Variants in XPO6 observed in about 807,000 individuals in gnomAD.
XPO6 encodes exportin-6.
In XPO6, 3 loss-of-function variants were observed where a neutral mutation model predicts 130.0. The ratio of observed to expected loss-of-function variants is 0.02; its 90% CI spans 0.01 to 0.06. XPO6 has a LOEUF of 0.06. Ranked by LOEUF, XPO6 falls within the 10% of genes least tolerant of loss-of-function variation. The pLI, the probability that XPO6 is intolerant of heterozygous loss-of-function variation, is 1.00. For synonymous variants in XPO6, 524 were observed against 548.9 expected (o/e 0.95, Z 0.63); for missense variants, 970 against 1,393.0 (o/e 0.70, Z 4.83).
chr16:28,103,239 C>A (rs2086691133), intron 21 of XPO6, among the ~76,000 whole-genome samples: 1 of 152,162 alleles, frequency 6.6e-6, no homozygotes, highest in Non-Finnish European at 1.5e-5. Context: ...TGGGATCCTA[C>A]CATGCATAGC....
Position 28,107,566 on chromosome 16 carries a change from A to G in XPO6, c.2453T>C (p.Val818Ala). Reference protein sequence around the residue: ...QICYQSLQESVQVSLALFPAF... With the variant: ...QICYQSLQESAQVSLALFPAF... ...TGGAAAGAGGGCCAGGGAGACCTGAACAGATTCCTGCAGCGACTGGTAGCA... is the reference window on the plus strand; with the variant it reads ...TGGAAAGAGGGCCAGGGAGACCTGAGCAGATTCCTGCAGCGACTGGTAGCA... Residue 818 changes from valine to alanine, a missense_variant, in exon 18 of 24, where the codon GTT (valine) becomes GCT (alanine). This residue lies in a region of XPO6 where 936 missense variants were observed against 1,306.8 expected (regional missense o/e 0.72). Coordinates refer to ENST00000304658, the MANE Select transcript of XPO6 (RefSeq NM_015171.4). 1 of 1,614,200 alleles carries G rather than the reference A, an allele frequency of 6.2e-7. No individual in the cohort carries two copies. Among genetic ancestry groups the G allele is most frequent in the Non-Finnish European group, 8.5e-7 (1 of 1,180,028 alleles).
chr16:28,110,396 C>T (rs1238399082), intron 17 of XPO6, among the ~76,000 whole-genome samples: 3 of 152,236 alleles, frequency 2.0e-5, no homozygotes, highest in African/African-American at 4.8e-5. Flanking sequence ...CAATTCACCA[C>T]AATCCCTTCC....
chr16:28,141,072 C>T (rs964653882), intron 9 of XPO6, among the ~76,000 whole-genome samples: 4 of 152,332 alleles, frequency 2.6e-5, no homozygotes, highest in South Asian at 4.1e-4. Flanking sequence ...CTAGTTCACA[C>T]CTTTATTGCA....
At chr16:28,198,330 A>AT (rs5816464) in intron 1 of XPO6, among the ~76,000 whole-genome samples, 3 of 150,936 alleles carry the variant, frequency 2.0e-5, no homozygotes, top group Admixed American at 1.3e-4. Flanking sequence ...AATGGTGGTA[A>AT]TTTTTTTTTT....
chr16:28,160,337 C>A (rs1306736564), intron 6 of XPO6, among the ~76,000 whole-genome samples: 1 of 151,398 alleles, frequency 6.6e-6, no homozygotes, highest in Admixed American at 6.6e-5. Flanking sequence ...AACCCCATCT[C>A]TACTAAAAAT....
At chr16:28,115,360 G>T (rs2087029712) in intron 15 of XPO6, among the ~76,000 whole-genome samples, 1 of 152,228 alleles carries the variant, frequency 6.6e-6, no homozygotes, top group African/African-American at 2.4e-5. Flanking sequence ...AATGGATGTT[G>T]TGTGAGCAGC....
intron 21 of XPO6, among the ~76,000 whole-genome samples, chr16:28,103,699 T>C (rs1303754509): frequency 1.3e-5 from 2 of 151,928 alleles, no homozygotes; most frequent in Admixed American, 6.5e-5. Context: ...ACTGCAGACC[T>C]GAGGCCTCGG....
intron 4 of XPO6, 94 bp downstream of exon 4, chr16:28,175,804 C>T: frequency 8.8e-7 from 1 of 1,139,522 alleles, no homozygotes; most frequent in Non-Finnish European, 1.3e-6. Flanking sequence ...CAGTTCCAAA[C>T]TGCTAATCTT....
In XPO6 at chr16:28,101,324, T is replaced by G; in HGVS notation, c.3276+134A>C. On this transcript the variant is annotated intron_variant, in intron 23 of 23. Transcript: ENST00000304658. This position sits in a 1 kb window ranked among gnomAD's most constrained non-coding sequence, Gnocchi z 5.4. Reference sequence around the variant, plus strand: ...CAGCACCAGGTCAGCAGGCATCTCGTGAGCTGCCGCCAAGCTGCAGGGTGG... The same window carrying G: ...CAGCACCAGGTCAGCAGGCATCTCGGGAGCTGCCGCCAAGCTGCAGGGTGG... 6 of 770,582 alleles carry G rather than the reference T, an allele frequency of 7.8e-6. No individual in the cohort carries two copies. Among genetic ancestry groups the G allele is most frequent in the Non-Finnish European group, 1.4e-5 (6 of 442,724 alleles). 47.7% of individuals were successfully genotyped at this position (770,582 alleles called of 1,614,324 possible). A position where few individuals can be genotyped will look rare whatever the true frequency, so the allele number is the denominator to read the frequency against.
intron 1 of XPO6, among the ~76,000 whole-genome samples, chr16:28,201,955 C>T (rs2043960399): frequency 6.6e-6 from 1 of 152,112 alleles, no homozygotes; most frequent in African/African-American, 2.4e-5. Flanking sequence ...AAACTATAAT[C>T]GAAGATGACC....
intron 1 of XPO6, among the ~76,000 whole-genome samples, chr16:28,196,012 GT>G (rs753579893): frequency 1.3e-5 from 2 of 152,254 alleles, no homozygotes; most frequent in Non-Finnish European, 2.9e-5. Context: ...GAAGTTTTCT[GT>G]TTATTCCACC....
rs765987925 is a variant in XPO6 at position 28,112,881 on chromosome 16, C to G, written c.2151+23G>C. Reference sequence around the variant, plus strand: ...TCTCAGTCACACAGCCCTGGGGACCCCGGGGGAGCTCTGGGGCCTCACCTT... The same window carrying G: ...TCTCAGTCACACAGCCCTGGGGACCGCGGGGGAGCTCTGGGGCCTCACCTT... On this transcript the variant is annotated intron_variant, in intron 16 of 23. Coordinates refer to ENST00000304658, the MANE Select transcript of XPO6 (RefSeq NM_015171.4). The G allele has an allele frequency of 1.9e-5, 31 of 1,607,804 alleles. No homozygotes were observed. The East Asian group carries it at 6.7e-4, about 35-fold the overall frequency.
chr16:28,135,171 C>T (rs1237720395), intron 10 of XPO6, 45 bp downstream of exon 10: 2 of 1,537,246 alleles, frequency 1.3e-6, no homozygotes, highest in Non-Finnish European at 1.8e-6. Context: ...TGATTGATGT[C>T]ACAACATGAC....
chr16:28,158,950 C>A (rs2043227439), intron 6 of XPO6, among the ~76,000 whole-genome samples: 1 of 152,080 alleles, frequency 6.6e-6, no homozygotes, highest in Non-Finnish European at 1.5e-5. Flanking sequence ...TAACAACAGG[C>A]CAGGAGCGGT....
intron 12 of XPO6, among the ~76,000 whole-genome samples, chr16:28,130,284 G>A (rs1415171601): frequency 2.0e-5 from 3 of 152,194 alleles, no homozygotes; most frequent in Non-Finnish European, 2.9e-5. Flanking sequence ...CGCGGCTGGC[G>A]CCCATTTACA....
chr16:28,111,591 A>G (rs532945681), intron 17 of XPO6: 7 of 448,548 alleles, frequency 1.6e-5, no homozygotes, highest in African/African-American at 7.9e-5. Context: ...TACATTTTAA[A>G]TAAGAGAAGG....
intron 5 of XPO6, chr16:28,166,912 T>C (rs1046893583): frequency 2.5e-6 from 2 of 803,866 alleles, no homozygotes; most frequent in Non-Finnish European, 3.0e-6. Context: ...TTACAGGCCA[T>C]TGCCTAAACC....
At chr16:28,177,807 C>G (rs1486486568) in intron 2 of XPO6, among the ~76,000 whole-genome samples, 1 of 152,080 alleles carries the variant, frequency 6.6e-6, no homozygotes, top group East Asian at 1.9e-4. Context: ...AAGACTAATT[C>G]TACAAAGATA....
At chr16:28,199,030 C>T (rs993350133) in intron 1 of XPO6, among the ~76,000 whole-genome samples, 1 of 151,984 alleles carries the variant, frequency 6.6e-6, no homozygotes, top group Non-Finnish European at 1.5e-5. Context: ...ATCCCAGCTA[C>T]TTGGGAGGCT....
Sources: allele counts gnomAD v4.1 joint callset (sites outside exome capture counted in the v4.1 genomes callset), GRCh38; gene constraint gnomAD v4.1.1; regional missense constraint gnomAD v4.1.1; non-coding constraint Gnocchi (gnomAD v3.1); transcripts MANE v1.5; gene names NCBI Gene and HGNC (gene_info 2026-07-23, HGNC 2026-07-21).